Variants in STXBP5L observed in about 807,000 individuals in gnomAD.
STXBP5L encodes syntaxin binding protein 5L.
STXBP5L carries 65 observed loss-of-function variants against 144.5 expected under a neutral mutation model. The ratio of observed to expected loss-of-function variants is 0.45; its 90% CI spans 0.37 to 0.55. STXBP5L has a LOEUF of 0.55. Ranked by LOEUF, STXBP5L falls within the 20% of genes least tolerant of loss-of-function variation. STXBP5L has a pLI of 0.00. For synonymous variants in STXBP5L, 505 were observed against 469.6 expected (o/e 1.08, Z -0.97); for missense variants, 1,298 against 1,405.5 (o/e 0.92, Z 1.22).
At chr3:120,980,469 T>G (rs936125813) in intron 3 of STXBP5L, among the ~76,000 whole-genome samples, 9 of 152,138 alleles carry the variant, frequency 5.9e-5, no homozygotes, top group Non-Finnish European at 1.0e-4. Flanking sequence ...GCTTTTTTTT[T>G]TTTTAACTGT....
intron 5 of STXBP5L, among the ~76,000 whole-genome samples, chr3:121,097,828 T>C (rs2043207630): frequency 2.0e-5 from 3 of 152,242 alleles, no homozygotes; most frequent in African/African-American, 4.8e-5. Flanking sequence ...ATGGAACTAA[T>C]TGAAATGTGA....
At chr3:121,116,970 GAGA>G (rs1361102948) in intron 6 of STXBP5L, among the ~76,000 whole-genome samples, 1 of 151,894 alleles carries the variant, frequency 6.6e-6, no homozygotes, top group Non-Finnish European at 1.5e-5. Context: ...TAAAGTAATT[GAGA>G]AGAATTTGTT....
intron 3 of STXBP5L, among the ~76,000 whole-genome samples, chr3:120,984,113 G>T (rs146778696): frequency 0.035 from 5,253 of 152,198 alleles, 336 homozygotes; most frequent in Admixed American, 0.17. Flanking sequence ...GACTGGAGTA[G>T]GCTTCCTGTT....
At chr3:121,101,947 A>G (rs1441573813) in intron 5 of STXBP5L, among the ~76,000 whole-genome samples, 1 of 152,000 alleles carries the variant, frequency 6.6e-6, no homozygotes, top group Non-Finnish European at 1.5e-5. Context: ...CCAAACAAAG[A>G]AAACAATCCC....
intron 3 of STXBP5L, among the ~76,000 whole-genome samples, chr3:121,027,596 C>T (rs1234570418): frequency 6.6e-6 from 1 of 152,032 alleles, no homozygotes; most frequent in African/African-American, 2.4e-5. Flanking sequence ...TCAGTGGAGT[C>T]TATTTCATGT....
At chr3:120,986,587 G>A (rs1044162003) in intron 3 of STXBP5L, among the ~76,000 whole-genome samples, 1 of 151,864 alleles carries the variant, frequency 6.6e-6, no homozygotes, top group African/African-American at 2.4e-5. Context: ...TTGTTAATAT[G>A]TAATTACTTT....
intron 20 of STXBP5L, among the ~76,000 whole-genome samples, chr3:121,338,728 C>G (rs912826142): frequency 1.3e-5 from 2 of 151,460 alleles, no homozygotes; most frequent in Non-Finnish European, 1.5e-5. Flanking sequence ...ACAGCTGATA[C>G]CACAGGAATA....
chr3:121,290,937 A>G (rs2051417037), intron 19 of STXBP5L, among the ~76,000 whole-genome samples: 1 of 152,190 alleles, frequency 6.6e-6, no homozygotes, highest in Non-Finnish European at 1.5e-5. Context: ...ATGTACAGAC[A>G]ACATTTTACG....
intron 17 of STXBP5L, among the ~76,000 whole-genome samples, chr3:121,257,889 C>T (rs1469265292): frequency 6.6e-6 from 1 of 152,104 alleles, no homozygotes; most frequent in Non-Finnish European, 1.5e-5. Context: ...CTTGCCACTG[C>T]ACTCCAGCCT....
intron 1 of STXBP5L, among the ~76,000 whole-genome samples, chr3:120,908,659 C>T (rs1185303391): frequency 6.6e-6 from 1 of 151,328 alleles, no homozygotes; most frequent in Admixed American, 6.6e-5. Flanking sequence ...GCTCTGCGCG[C>T]CCAGCAGGCT....
At chr3:121,196,982 C>CT (rs1431172074) in intron 9 of STXBP5L, among the ~76,000 whole-genome samples, 1 of 152,126 alleles carries the variant, frequency 6.6e-6, no homozygotes, top group South Asian at 2.1e-4. Context: ...TGGGCTCAGC[C>CT]TTTTTTTCTT....
chr3:120,929,192 A>G (rs1709792926), intron 2 of STXBP5L, among the ~76,000 whole-genome samples: 2 of 152,254 alleles, frequency 1.3e-5, no homozygotes, highest in Middle Eastern at 3.4e-3. Flanking sequence ...TCTGGTAGTC[A>G]TTGGCCATTT....
intron 20 of STXBP5L, among the ~76,000 whole-genome samples, chr3:121,367,198 A>G (rs2045887207): frequency 6.6e-6 from 1 of 152,154 alleles, no homozygotes; most frequent in Non-Finnish European, 1.5e-5. Context: ...ACTAGCTTGT[A>G]CAATTGCCCT....
rs770589160 is a variant in STXBP5L, at chr3:121,423,758, TC to T, written c.*4662del. On this transcript the variant is annotated 3_prime_UTR_variant, in exon 27 of 27. Coordinates refer to ENST00000471454, the MANE Select transcript of STXBP5L (RefSeq NM_001308330.2). Reference sequence around the variant, plus strand: ...TGGCCAACTAAGGAAACCTTGTTTGTCTGCCTTGGCTGGTGCTCCAGCCCCA... The same window carrying T: ...TGGCCAACTAAGGAAACCTTGTTTGTTGCCTTGGCTGGTGCTCCAGCCCCA... The T allele has an allele frequency of 1.3e-5, 2 of 152,234 alleles. No individual in the cohort carries two copies. The highest frequency in any genetic ancestry group is 2.9e-5 in the Non-Finnish European group (2 of 68,032). 9.4% of individuals were successfully genotyped at this position (152,234 alleles called of 1,614,324 possible).
intron 5 of STXBP5L, among the ~76,000 whole-genome samples, chr3:121,113,676 T>C (rs1016979801): frequency 2.5e-4 from 36 of 143,960 alleles, no homozygotes; most frequent in African/African-American, 4.5e-4. Flanking sequence ...CTTTTTCTTT[T>C]TTTTTTTTTT....
chr3:121,151,094 A>C (rs1383553956), intron 7 of STXBP5L, among the ~76,000 whole-genome samples: 2 of 145,384 alleles, frequency 1.4e-5, no homozygotes, highest in Non-Finnish European at 3.0e-5. Context: ...CCTCTGTCTC[A>C]AAAAAAAAAA....
chr3:120,994,399 A>G (rs1475537253), intron 3 of STXBP5L, among the ~76,000 whole-genome samples: 1 of 152,080 alleles, frequency 6.6e-6, no homozygotes, highest in South Asian at 2.1e-4. Context: ...GCATTTCCAC[A>G]TTCAGTATGA....
chr3:121,275,472 T>A (rs753950339), intron 18 of STXBP5L, among the ~76,000 whole-genome samples: 5 of 152,180 alleles, frequency 3.3e-5, no homozygotes, highest in Non-Finnish European at 5.9e-5. Context: ...GTTAAATTTA[T>A]TCATATGTAT....
intron 7 of STXBP5L, among the ~76,000 whole-genome samples, chr3:121,143,461 G>A (rs904415865): frequency 1.3e-5 from 2 of 151,718 alleles, no homozygotes; most frequent in Non-Finnish European, 3.0e-5. Flanking sequence ...CCAAGAGCAC[G>A]TTAAAATAAT....
Sources: allele counts gnomAD v4.1 joint callset (sites outside exome capture counted in the v4.1 genomes callset), GRCh38; gene constraint gnomAD v4.1.1; transcripts MANE v1.5; gene names NCBI Gene and HGNC (gene_info 2026-07-23, HGNC 2026-07-21).